FBXO10: variants seen among roughly 807,000 people sequenced by gnomAD.
FBXO10 encodes F-box protein 10.
In FBXO10, 39 loss-of-function variants were observed where a neutral mutation model predicts 80.7. The observed-to-expected ratio is 0.48, with a 90% CI of 0.37 to 0.63. FBXO10 has a LOEUF of 0.63. FBXO10 is among the 30% of genes least tolerant of loss of function. The pLI is 0.00. For missense variants in FBXO10, 1,025 were observed against 1,269.0 expected (o/e 0.81, Z 2.92); for synonymous variants, 449 against 489.6 (o/e 0.92, Z 1.09).
At chr9:37,558,977 A>T (rs1438312942) in intron 1 of FBXO10, among the ~76,000 whole-genome samples, 1 of 151,968 alleles carries the variant, frequency 6.6e-6, no homozygotes, top group Non-Finnish European at 1.5e-5. Flanking sequence ...CGCCCGGCTA[A>T]TTTTTTGTAT....
intron 1 of FBXO10, among the ~76,000 whole-genome samples, chr9:37,543,365 C>G (rs1172422423): frequency 6.6e-6 from 1 of 152,128 alleles, no homozygotes; most frequent in Non-Finnish European, 1.5e-5. Context: ...GAGCCCTTTT[C>G]CAGGAGAACA....
rs74171511 is a variant in FBXO10, at chr9:37,550,169, GTTTTTTT to G, written c.-6-8402_-6-8396del. ...CAGTTTTCTTTTTTTGTCGTCTCAG[GTTTTTTT>G]TTTTTTTTTTTTTTTTTTTTTTTTG... is the stretch of plus-strand genomic sequence containing the variant. On this transcript the variant is annotated intron_variant, in intron 1 of 10. Coordinates refer to ENST00000432825, the MANE Select transcript of FBXO10 (RefSeq NM_012166.3). 6.5e-3 allele frequency among the ~76,000 whole-genome samples: 442 copies of G among 68,000 alleles called. 34 individuals are homozygous for G. Among genetic ancestry groups the G allele is most frequent in the African/African-American group, 0.021 (409 of 19,370 alleles). 44.6% of individuals were successfully genotyped at this position (68,000 alleles called of 152,430 possible).
At chr9:37,521,050 G>A (rs1276030474) in intron 8 of FBXO10, among the ~76,000 whole-genome samples, 1 of 152,222 alleles carries the variant, frequency 6.6e-6, no homozygotes, top group African/African-American at 2.4e-5. Context: ...GTTAGTTTGG[G>A]ACGTGTGGAT....
chr9:37,512,618 C>A lies in FBXO10; in HGVS notation c.2800G>T (p.Ala934Ser), dbSNP rs376056604. 4.3e-6 allele frequency: 7 copies of A among 1,614,038 alleles called. No individual in the cohort carries two copies. In the East Asian group the frequency reaches 1.6e-4, roughly 36 times the overall value. Residue 934 changes from alanine (A) to serine (S), a missense_variant, in exon 11 of 11, where the codon GCA (alanine) becomes TCA (serine). Physicochemically the swap from Ala to Ser is moderately conservative, Grantham distance 99. This residue lies in a region of FBXO10 where 97 missense variants were observed against 101.8 expected (regional missense o/e 0.95). Coordinates refer to ENST00000432825, the MANE Select transcript of FBXO10 (RefSeq NM_012166.3). ...TCCACCCGGGCTGTGATCCTCGTTGCCATGGCTGTCACCTTCTGCCCATTG... is the reference window on the plus strand; with the variant it reads ...TCCACCCGGGCTGTGATCCTCGTTGACATGGCTGTCACCTTCTGCCCATTG... Reference protein sequence around the residue: ...AHNGQKVTAMATRITARVEGG... With the variant: ...AHNGQKVTAMSTRITARVEGG...
At chr9:37,546,177 G>T (rs959341126) in intron 1 of FBXO10, among the ~76,000 whole-genome samples, 1 of 151,902 alleles carries the variant, frequency 6.6e-6, no homozygotes, top group African/African-American at 2.4e-5. Flanking sequence ...TGAAAGAAAG[G>T]AAACATAGGA....
At chr9:37,513,371 T>C (rs928767338) in intron 10 of FBXO10, among the ~76,000 whole-genome samples, 1 of 152,114 alleles carries the variant, frequency 6.6e-6, no homozygotes, top group African/African-American at 2.4e-5. Flanking sequence ...CACCAAAAAC[T>C]AGAAACTACC....
chr9:37,567,904 C>T (rs914974062), intron 1 of FBXO10, among the ~76,000 whole-genome samples: 1 of 152,126 alleles, frequency 6.6e-6, no homozygotes, highest in Admixed American at 6.5e-5. Context: ...TTTAGTCCTG[C>T]TGGGGCTGCC....
intron 1 of FBXO10, among the ~76,000 whole-genome samples, chr9:37,556,427 C>T (rs1419178758): frequency 6.6e-6 from 1 of 151,828 alleles, no homozygotes; most frequent in Non-Finnish European, 1.5e-5. Flanking sequence ...TATGGTTATC[C>T]AACTGTCCCA....
At chr9:37,545,165 C>G (rs1822025289) in intron 1 of FBXO10, among the ~76,000 whole-genome samples, 1 of 139,616 alleles carries the variant, frequency 7.2e-6, no homozygotes, top group Admixed American at 7.6e-5. Context: ...TTTAGTTATA[C>G]ATTCTCAGGC....
chr9:37,551,325 T>C (rs1822193289), intron 1 of FBXO10, among the ~76,000 whole-genome samples: 1 of 152,230 alleles, frequency 6.6e-6, no homozygotes, highest in Non-Finnish European at 1.5e-5. Flanking sequence ...AGGCTGGTGC[T>C]GTGTGCTGGT....
chr9:37,543,567 G>A (rs1377784377), intron 1 of FBXO10, among the ~76,000 whole-genome samples: 2 of 152,198 alleles, frequency 1.3e-5, no homozygotes, highest in African/African-American at 4.8e-5. Flanking sequence ...GAAAAAAGCA[G>A]AGAAAAGGGC....
In FBXO10 at chr9:37,554,013, A is replaced by G. The variant is rs1294938070; in HGVS notation, c.-6-12239T>C. ...ACATTTTGCAAAACTATAGTATAAT[A>G]TCCCACTAGCATGGTGACATTGATA... On this transcript the variant is annotated intron_variant, in intron 1 of 10. Coordinates refer to ENST00000432825, the MANE Select transcript of FBXO10 (RefSeq NM_012166.3). Among the ~76,000 whole-genome samples, 3 of 152,042 alleles carry G rather than the reference A, an allele frequency of 2.0e-5. No homozygotes were observed. In the East Asian group the frequency reaches 5.8e-4, roughly 29 times the overall value.
chr9:37,560,393 G>C (rs1284535500), intron 1 of FBXO10, among the ~76,000 whole-genome samples: 5 of 152,048 alleles, frequency 3.3e-5, no homozygotes, highest in Admixed American at 3.3e-4. Context: ...GGCCTCTCAG[G>C]GGAAGGGGGA....
At chr9:37,563,896 A>G (rs1332501361) in intron 1 of FBXO10, among the ~76,000 whole-genome samples, 3 of 152,260 alleles carry the variant, frequency 2.0e-5, no homozygotes, top group Non-Finnish European at 4.4e-5. Flanking sequence ...CCAATGCAGA[A>G]ATTTGCACAA....
intron 5 of FBXO10, among the ~76,000 whole-genome samples, chr9:37,526,590 A>G (rs1821477759): frequency 6.6e-6 from 1 of 152,148 alleles, no homozygotes; most frequent in African/African-American, 2.4e-5. Context: ...AAAACAATAC[A>G]AATTTCTATC....
intron 9 of FBXO10, among the ~76,000 whole-genome samples, chr9:37,516,360 G>C (rs1354299293): frequency 6.6e-6 from 1 of 152,198 alleles, no homozygotes; most frequent in Non-Finnish European, 1.5e-5. Context: ...AGGCCTGGCA[G>C]AGAGGGGAGG....
intron 1 of FBXO10, among the ~76,000 whole-genome samples, chr9:37,548,381 T>C (rs919527734): frequency 6.6e-6 from 1 of 152,156 alleles, no homozygotes; most frequent in African/African-American, 2.4e-5. Context: ...CGAGACTCCA[T>C]CTCAAAAAAT....
rs74171511 is a variant in FBXO10, at chr9:37,550,169, G to GTTTTTTTTTTTTTTTTTTT, written c.-6-8414_-6-8396dup. Among the ~76,000 whole-genome samples the GTTTTTTTTTTTTTTTTTTT allele has an allele frequency of 1.5e-4, 10 of 68,006 alleles. 3 individuals carry two copies. The highest frequency in any genetic ancestry group is 7.6e-4 in the East Asian group (1 of 1,310). 44.6% of individuals were successfully genotyped at this position (68,006 alleles called of 152,430 possible). Reference sequence around the variant, plus strand: ...CAGTTTTCTTTTTTTGTCGTCTCAGGTTTTTTTTTTTTTTTTTTTTTTTTT... The same window carrying GTTTTTTTTTTTTTTTTTTT: ...CAGTTTTCTTTTTTTGTCGTCTCAGGTTTTTTTTTTTTTTTTTTTTTTTTTTTTTTTTTTTTTTTTTTTT... On this transcript the variant is annotated intron_variant, in intron 1 of 10. Transcript: ENST00000432825.
intron 1 of FBXO10, among the ~76,000 whole-genome samples, chr9:37,546,892 GCTGGTCTCAAACTT>G (rs1822070537): frequency 6.6e-6 from 1 of 152,128 alleles, no homozygotes; most frequent in South Asian, 2.1e-4. Context: ...TATTAGCCAG[GCTGGTCTCAAACTT>G]CTGACCTCAA....
Sources: allele counts gnomAD v4.1 joint callset (sites outside exome capture counted in the v4.1 genomes callset), GRCh38; gene constraint gnomAD v4.1.1; regional missense constraint gnomAD v4.1.1; transcripts MANE v1.5; gene names NCBI Gene and HGNC (gene_info 2026-07-23, HGNC 2026-07-21).